NFKB1: variants seen among roughly 807,000 people sequenced by gnomAD.
NFKB1 encodes the protein nuclear factor kappa B subunit 1.
In NFKB1, 9 loss-of-function variants were observed where a neutral mutation model predicts 105.1. The observed-to-expected ratio is 0.09, with a 90% CI of 0.05 to 0.15. The LOEUF (loss-of-function observed/expected upper bound fraction) is 0.15. Ranked by LOEUF, NFKB1 falls within the 10% of genes least tolerant of loss-of-function variation. The pLI is 1.00. For missense variants in NFKB1, 830 were observed against 1,203.7 expected (o/e 0.69, Z 4.59); for synonymous variants, 440 against 442.2 (o/e 1.00, Z 0.06).
chr4:102,550,740 A>G (rs1722508572), intron 5 of NFKB1, among the ~76,000 whole-genome samples: 1 of 152,206 alleles, frequency 6.6e-6, no homozygotes, highest in African/African-American at 2.4e-5. Flanking sequence ...TTCAACAGAG[A>G]GCATTCAGTC....
At position 102,616,540 on chromosome 4, in the gene NFKB1, C is replaced by T. The variant is rs759987466; in HGVS notation, c.2856C>T (p.Leu952=). The T allele has an allele frequency of 1.5e-5, 24 of 1,614,112 alleles. No individual in the cohort carries two copies. The highest frequency in any genetic ancestry group is 1.8e-5 in the Non-Finnish European group (21 of 1,180,024). The change falls in exon 24 of 24, where the codon CTC becomes CTT. Residue 952 remains leucine, a synonymous_variant. Coordinates refer to ENST00000226574, the MANE Select transcript of NFKB1 (RefSeq NM_003998.4). The part of the protein sequence containing the change: ...SLTSGASLLT[L]NKMPHDYGQE... ...CCAGTGGTGCCTCACTGCTAACTCTCAACAAAATGCCCCATGATTATGGGC... is the reference window on the plus strand; with the variant it reads ...CCAGTGGTGCCTCACTGCTAACTCTTAACAAAATGCCCCATGATTATGGGC...
intron 6 of NFKB1, among the ~76,000 whole-genome samples, chr4:102,571,834 A>G (rs189499897): frequency 1.7e-3 from 263 of 152,312 alleles, no homozygotes; most frequent in Non-Finnish European, 3.2e-3. Flanking sequence ...AGTCGAAACA[A>G]CAGGTGCTGG....
Position 102,576,915 on chromosome 4 carries a change from A to G in NFKB1, c.447A>G (p.Lys149=), listed in dbSNP as rs769167080. The G allele has an allele frequency of 1.2e-6, 2 of 1,613,242 alleles. No homozygotes were observed. Among genetic ancestry groups the G allele is most frequent in the Admixed American group, 1.7e-5 (1 of 59,834 alleles). The change falls in exon 7 of 24, where the codon AAA becomes AAG. Residue 149 remains lysine (K), a synonymous_variant. Coordinates refer to ENST00000226574, the MANE Select transcript of NFKB1 (RefSeq NM_003998.4). Reference sequence around the variant, plus strand: ...GTATACTTCATGTGACAAAGAAAAAAGTATTTGAAACACTGGAAGCACGAA... The same window carrying G: ...GTATACTTCATGTGACAAAGAAAAAGGTATTTGAAACACTGGAAGCACGAA... The part of the protein sequence containing the change: ...NLGILHVTKK[K]VFETLEARMT...
At chr4:102,615,136 G>T (rs1348921877) in intron 23 of NFKB1, among the ~76,000 whole-genome samples, 2 of 152,120 alleles carry the variant, frequency 1.3e-5, no homozygotes, top group Non-Finnish European at 2.9e-5. Flanking sequence ...CAGTGACATT[G>T]TATTAATTCT....
At chr4:102,571,587 G>A (rs1050935134) in intron 6 of NFKB1, among the ~76,000 whole-genome samples, 4 of 152,158 alleles carry the variant, frequency 2.6e-5, no homozygotes. Flanking sequence ...GTATCCATCT[G>A]ACAAAGGGCT....
chr4:102,535,725 AGGATT>A (rs2149125560), intron 4 of NFKB1, among the ~76,000 whole-genome samples: 1 of 152,274 alleles, frequency 6.6e-6, no homozygotes, highest in African/African-American at 2.4e-5. Context: ...AAAACTTCTG[AGGATT>A]TAGATACTCG....
chr4:102,507,563 A>C (rs1049569433), intron 1 of NFKB1, among the ~76,000 whole-genome samples: 14 of 152,134 alleles, frequency 9.2e-5, no homozygotes, highest in African/African-American at 3.1e-4. Flanking sequence ...CAGCCTCCCA[A>C]AGTGCCGGGA....
chr4:102,507,314 A>G (rs527650943), intron 1 of NFKB1, among the ~76,000 whole-genome samples: 2 of 152,296 alleles, frequency 1.3e-5, no homozygotes, highest in Non-Finnish European at 2.9e-5. Context: ...GGGCATGAAG[A>G]GAAGCATAAA....
chr4:102,579,888 T>C (rs1013817367), intron 8 of NFKB1, among the ~76,000 whole-genome samples: 1 of 151,744 alleles, frequency 6.6e-6, no homozygotes, highest in African/African-American at 2.4e-5. Context: ...AATTCTCTAA[T>C]TTAAACAACT....
intron 5 of NFKB1, among the ~76,000 whole-genome samples, chr4:102,559,766 A>G (rs1723249897): frequency 6.6e-6 from 1 of 151,054 alleles, no homozygotes; most frequent in Admixed American, 6.6e-5. Context: ...ACATAGTGAG[A>G]CTCTGTCTAT....
intron 4 of NFKB1, 104 bp downstream of exon 4, chr4:102,533,989 A>C: frequency 1.0e-6 from 1 of 956,538 alleles, no homozygotes; most frequent in Non-Finnish European, 1.6e-6. Context: ...GAAGTAGTTT[A>C]TCTGAAAGAT....
chr4:102,588,444 C>CA (rs574735273), intron 11 of NFKB1, among the ~76,000 whole-genome samples: 71 of 134,106 alleles, frequency 5.3e-4, no homozygotes, highest in African/African-American at 1.3e-3. Context: ...TGTACAAAAG[C>CA]AAAAAAAAAT....
chr4:102,550,123 T>C (rs779002492), intron 5 of NFKB1, among the ~76,000 whole-genome samples: 26 of 152,182 alleles, frequency 1.7e-4, no homozygotes, highest in African/African-American at 2.4e-4. Context: ...GATTCTTTTG[T>C]TATTCATTGT....
intron 5 of NFKB1, among the ~76,000 whole-genome samples, chr4:102,541,660 G>A (rs1742007503): frequency 1.3e-5 from 2 of 152,112 alleles, no homozygotes; most frequent in South Asian, 2.1e-4. Flanking sequence ...CTCGTGGAGG[G>A]TGGCCCCACA....
intron 14 of NFKB1, among the ~76,000 whole-genome samples, chr4:102,596,807 T>A (rs1040994577): frequency 1.3e-5 from 2 of 151,968 alleles, no homozygotes; most frequent in Non-Finnish European, 2.9e-5. Flanking sequence ...CCAATACTTA[T>A]TAGCATATGT....
intron 16 of NFKB1, among the ~76,000 whole-genome samples, chr4:102,601,958 A>G (rs1190784865): frequency 6.6e-6 from 1 of 152,068 alleles, no homozygotes; most frequent in East Asian, 1.9e-4. Flanking sequence ...CCTTCCCTTC[A>G]TCGACCCGAA....
chr4:102,595,795 A>G (rs1352891213), intron 13 of NFKB1, among the ~76,000 whole-genome samples: 6 of 152,236 alleles, frequency 3.9e-5, no homozygotes, highest in Non-Finnish European at 7.4e-5. Flanking sequence ...TGCTTTGTTC[A>G]TTAGCATTAG....
rs1411703511 is a variant in NFKB1, at chr4:102,596,326, G to A, written c.1489G>A (p.Val497Ile). 4.4e-6 allele frequency: 7 copies of A among 1,605,990 alleles called. No individual in the cohort carries two copies. In the South Asian group the frequency reaches 7.8e-5, roughly 18 times the overall value. Residue 497 changes from valine to isoleucine, a missense_variant, in exon 14 of 24, where the codon GTT becomes ATT. Around this residue, in one of 8 missense-constraint regions of NFKB1, gnomAD observed 163 missense variants for 164.3 expected, o/e 0.99. Transcript: ENST00000226574. Reference protein sequence around the residue: ...ATGTKEESAGVQDNLFLEKAM... With the variant: ...ATGTKEESAGIQDNLFLEKAM... Reference sequence around the variant, plus strand: ...AGGAACAAAAGAAGAGAGTGCTGGAGTTCAGGGTAAGTGAGCACACAAATT... The same window carrying A: ...AGGAACAAAAGAAGAGAGTGCTGGAATTCAGGGTAAGTGAGCACACAAATT...
At chr4:102,521,432 T>G (rs542309362) in intron 1 of NFKB1, among the ~76,000 whole-genome samples, 26 of 152,338 alleles carry the variant, frequency 1.7e-4, no homozygotes, top group African/African-American at 6.3e-4. Flanking sequence ...GTGTCTGTTG[T>G]GGCTGAATAT....
Sources: gnomAD v4.1 joint callset for allele counts (sites outside exome capture counted in the v4.1 genomes callset) on GRCh38, gnomAD v4.1.1 for gene constraint, gnomAD v4.1.1 regional missense constraint, MANE v1.5 for transcripts, NCBI Gene and HGNC (gene_info 2026-07-23, HGNC 2026-07-21) for gene names.